Variants in KIF1B observed in about 807,000 individuals in gnomAD.
KIF1B encodes kinesin family member 1B.
Under a neutral mutation model 241.9 loss-of-function variants are expected in KIF1B, and 76 were observed. That is an observed-to-expected ratio of 0.31 (90% CI 0.26 to 0.38). The LOEUF (loss-of-function observed/expected upper bound fraction) is 0.38, where lower values mean the gene tolerates loss of function less well. Among genes scored for constraint, KIF1B ranks in the 10% least tolerant of loss-of-function variants. KIF1B has a pLI of 1.00. For synonymous variants in KIF1B, 750 were observed against 796.7 expected (o/e 0.94, Z 0.99); for missense variants, 1,622 against 2,271.4 (o/e 0.71, Z 5.81).
intron 2 of KIF1B, among the ~76,000 whole-genome samples, chr1:10,247,678 T>A (rs1039129336): frequency 1.3e-5 from 2 of 152,146 alleles, no homozygotes; most frequent in Admixed American, 1.3e-4. Flanking sequence ...GATAAGAAAA[T>A]TAAAAATTAA....
intron 12 of KIF1B, 137 bp downstream of exon 12, chr1:10,276,536 CTT>C: frequency 1.4e-6 from 1 of 697,280 alleles, no homozygotes; most frequent in Middle Eastern, 2.4e-4. Flanking sequence ...ACAGGGAAAA[CTT>C]AGGGAAAAAG....
intron 1 of KIF1B, among the ~76,000 whole-genome samples, chr1:10,213,713 G>A (rs1016805900): frequency 2.0e-5 from 3 of 152,162 alleles, no homozygotes; most frequent in Non-Finnish European, 4.4e-5. Flanking sequence ...CGTTTGAACA[G>A]GTACTGGTGA....
Position 10,295,074 on chromosome 1 carries a change from A to G in KIF1B, c.1591-12A>G, listed in dbSNP as rs1476092831. ...GCCCTGCTCCAAATTGATCATCTGTAATCTTTTTCAGACCCCACATCTTGT... is the reference window on the plus strand; with the variant it reads ...GCCCTGCTCCAAATTGATCATCTGTGATCTTTTTCAGACCCCACATCTTGT... On this transcript the variant is annotated splice_polypyrimidine_tract_variant and intron_variant, in intron 17 of 48. Transcript: ENST00000676179. The G allele has an allele frequency of 6.3e-7, 1 of 1,579,730 alleles. No homozygotes were observed. Among genetic ancestry groups the G allele is most frequent in the Non-Finnish European group, 8.7e-7 (1 of 1,148,738 alleles).
intron 22 of KIF1B, among the ~76,000 whole-genome samples, chr1:10,315,997 A>T (rs1229970074): frequency 1.4e-5 from 2 of 146,396 alleles, no homozygotes; most frequent in African/African-American, 5.2e-5. Context: ...CAGAGGTTAT[A>T]GTGAGCTGAG....
chr1:10,279,356 G>C (rs1649287341), intron 14 of KIF1B, among the ~76,000 whole-genome samples: 3 of 152,124 alleles, frequency 2.0e-5, no homozygotes, highest in Non-Finnish European at 2.9e-5. Context: ...AAGTTGAAAG[G>C]CTTAAGAATC....
At position 10,377,536 on chromosome 1, in the gene KIF1B, A is replaced by T. The variant is rs1638920458; in HGVS notation, c.*949A>T. 1 of 225,776 alleles carries T rather than the reference A, an allele frequency of 4.4e-6. No individual in the cohort carries two copies. The highest frequency in any genetic ancestry group is 1.8e-4 in the South Asian group (1 of 5,446). 14.0% of individuals were successfully genotyped at this position (225,776 alleles called of 1,614,324 possible). A position where few individuals can be genotyped will look rare whatever the true frequency, so the allele number is the denominator to read the frequency against. On this transcript the variant is annotated 3_prime_UTR_variant, in exon 49 of 49. Transcript: ENST00000676179. ...CTCAGTTCTGCTTTTGGCATTAGTGATGGTGGTGGTACAGTTGGAATTAGT... is the reference window on the plus strand; with the variant it reads ...CTCAGTTCTGCTTTTGGCATTAGTGTTGGTGGTGGTACAGTTGGAATTAGT...
chr1:10,303,384 A>G lies in KIF1B; in HGVS notation c.2115+6138A>G, dbSNP rs1424916370. 6.2e-7 allele frequency: 1 copy of G among 1,614,228 alleles called. No homozygotes were observed. The highest frequency in any genetic ancestry group is 8.5e-7 in the Non-Finnish European group (1 of 1,180,022). On this transcript the variant is annotated intron_variant, in intron 22 of 48. Transcript: ENST00000676179. This position sits in a 1 kb window ranked among gnomAD's most constrained non-coding sequence, Gnocchi z 5.2. ...AAGATTCCAAGTGGGTCACAATCTC[A>G]GATCTTAAAATTCAGGCTGTCAAAG...
At chr1:10,277,269 G>T (rs1322604144) in intron 12 of KIF1B, among the ~76,000 whole-genome samples, 1 of 150,846 alleles carries the variant, frequency 6.6e-6, no homozygotes, top group African/African-American at 2.4e-5. Context: ...AACGTAGTGA[G>T]ACTCTGTCTC....
At chr1:10,342,298 CT>C in intron 33 of KIF1B, 130 bp downstream of exon 33, 1 of 728,816 alleles carries the variant, frequency 1.4e-6, no homozygotes, top group Non-Finnish European at 2.5e-6. Flanking sequence ...CCTGTTTCCT[CT>C]TTAGAAACTT....
intron 31 of KIF1B, among the ~76,000 whole-genome samples, chr1:10,338,392 G>T (rs575515079): frequency 6.6e-6 from 1 of 152,252 alleles, no homozygotes; most frequent in South Asian, 2.1e-4. Flanking sequence ...TATATAGTAA[G>T]CCACTAATAT....
At position 10,326,138 on chromosome 1, in the gene KIF1B, C is replaced by T. The variant is rs753514870; in HGVS notation, c.2703C>T (p.Asn901=). ...GSSPIFHGCV[N]ERLADRTPSP... Reference sequence around the variant, plus strand: ...CCCCCATTTTCCACGGCTGTGTGAACGAGCGCCTTGCCGACCGCACACCCT... The same window carrying T: ...CCCCCATTTTCCACGGCTGTGTGAATGAGCGCCTTGCCGACCGCACACCCT... Residue 901 remains asparagine, a synonymous_variant, in exon 27 of 49, where the codon AAC becomes AAT. Coordinates refer to ENST00000676179, the MANE Select transcript of KIF1B (RefSeq NM_001365951.3). This position sits in a 1 kb window ranked among gnomAD's most constrained non-coding sequence, Gnocchi z 5.2. The T allele has an allele frequency of 1.2e-5, 19 of 1,613,990 alleles. No homozygotes were observed. The highest frequency in any genetic ancestry group is 1.6e-4 in the Middle Eastern group (1 of 6,076).
In KIF1B at chr1:10,378,248, G is replaced by A. The variant is rs1260709321; in HGVS notation, c.*1661G>A. 14 of 708,376 alleles carry A rather than the reference G, an allele frequency of 2.0e-5. No homozygotes were observed. The highest frequency in any genetic ancestry group is 5.3e-5 in the African/African-American group (3 of 56,854). 43.9% of individuals were successfully genotyped at this position (708,376 alleles called of 1,614,324 possible). ...GAGCCCGGGCCCCAGGCTTTGTTGC[G>A]TGTTCCCTGCTCCTCTCCATCTGGT... On this transcript the variant is annotated 3_prime_UTR_variant, in exon 49 of 49. Coordinates refer to ENST00000676179, the MANE Select transcript of KIF1B (RefSeq NM_001365951.3).
intron 16 of KIF1B, among the ~76,000 whole-genome samples, chr1:10,291,765 C>A (rs1650010789): frequency 6.6e-6 from 1 of 150,922 alleles, no homozygotes. Flanking sequence ...ATATGCATAT[C>A]ATTTATGAAT....
chr1:10,316,808 T>G (rs1651323689), intron 22 of KIF1B, among the ~76,000 whole-genome samples: 1 of 151,698 alleles, frequency 6.6e-6, no homozygotes, highest in Non-Finnish European at 1.5e-5. Context: ...TGGCCTATTT[T>G]AGTATTTATT....
At chr1:10,279,035 C>A in intron 13 of KIF1B, 62 bp from the exon 14 acceptor site, 1 of 1,246,772 alleles carries the variant, frequency 8.0e-7, no homozygotes, top group Non-Finnish European at 1.1e-6. Context: ...TGTTCCCTCT[C>A]TGTGTCACTG....
Position 10,371,279 on chromosome 1 carries a change from C to T in KIF1B, c.4946+17C>T, listed in dbSNP as rs770458397. The stretch of plus-strand genomic sequence containing the variant: ...GGATCAGAAGTAAGTACCCAGATTT[C>T]ACTGAGAGAAGTCAATCTAAGAACC... On this transcript the variant is annotated intron_variant, in intron 45 of 48. Transcript: ENST00000676179. The T allele has an allele frequency of 1.9e-6, 3 of 1,613,972 alleles. No homozygotes were observed. The highest frequency in any genetic ancestry group is 1.3e-5 in the African/African-American group (1 of 75,056).
At chr1:10,226,170 G>A (rs1392562762) in intron 1 of KIF1B, among the ~76,000 whole-genome samples, 1 of 152,090 alleles carries the variant, frequency 6.6e-6, no homozygotes, top group East Asian at 1.9e-4. Context: ...CTGATTAGAT[G>A]GATAGACAAA....
chr1:10,363,445 G>A (rs1039802286), intron 41 of KIF1B, 101 bp downstream of exon 41: 12 of 981,224 alleles, frequency 1.2e-5, no homozygotes, highest in Admixed American at 8.6e-5. Flanking sequence ...TAATCCCAGC[G>A]CTTTGGGAGG....
Position 10,375,336 on chromosome 1 carries a change from T to C in KIF1B, c.5371T>C (p.Leu1791=), listed in dbSNP as rs1638852549. 6.2e-7 allele frequency: 1 copy of C among 1,613,930 alleles called. No individual in the cohort carries two copies. The highest frequency in any genetic ancestry group is 1.7e-5 in the Admixed American group (1 of 59,994). ...ALNDKDMNDW[L]YAFNPLLAGT... ...CAATGACAAAGACATGAACGACTGG[T>C]TGTATGCCTTCAACCCACTTCTAGC... The change falls in exon 48 of 49, where the codon TTG becomes CTG. Residue 1791 remains leucine (L), a synonymous_variant. Coordinates refer to ENST00000676179, the MANE Select transcript of KIF1B (RefSeq NM_001365951.3).
Sources: gnomAD v4.1 joint callset for allele counts (sites outside exome capture counted in the v4.1 genomes callset) on GRCh38, gnomAD v4.1.1 for gene constraint, Gnocchi (gnomAD v3.1) non-coding constraint, MANE v1.5 for transcripts, NCBI Gene and HGNC (gene_info 2026-07-23, HGNC 2026-07-21) for gene names.